The following EEFSEC variants were observed in gnomAD, a reference collection of about 807,000 sequenced individuals.
The protein encoded by EEFSEC is eukaryotic elongation factor, selenocysteine-tRNA specific.
EEFSEC carries 43 observed loss-of-function variants against 42.1 expected under a neutral mutation model. The ratio of observed to expected loss-of-function variants is 1.02; its 90% CI spans 0.80 to 1.32. EEFSEC has a LOEUF of 1.32. Among genes scored for constraint, EEFSEC ranks in the 40% most tolerant of loss-of-function variants. The probability of loss-of-function intolerance (pLI) is 0.00; values close to 1 mark genes in which losing one functional copy is unlikely to be tolerated. For synonymous variants in EEFSEC, 354 were observed against 339.1 expected, an observed-to-expected ratio of 1.04 and a Z score of -0.48; for missense variants, 745 against 803.6, an observed-to-expected ratio of 0.93 and a Z score of 0.88.
chr3:128,193,924 T>G (rs553113872), intron 1 of EEFSEC, among the ~76,000 whole-genome samples: 27 of 152,352 alleles, frequency 1.8e-4, no homozygotes, highest in Non-Finnish European at 3.8e-4. Flanking sequence ...TAAGTGAGAA[T>G]GAGCCATGAA....
intron 1 of EEFSEC, among the ~76,000 whole-genome samples, chr3:128,202,394 T>A (rs1015260348): frequency 6.6e-6 from 1 of 152,222 alleles, no homozygotes; most frequent in East Asian, 1.9e-4. Flanking sequence ...TGTTGTTAAA[T>A]TTATTTCTAA....
At chr3:128,341,104 C>G in intron 4 of EEFSEC, 129 bp from the exon 5 acceptor site, 2 of 1,145,714 alleles carry the variant, frequency 1.7e-6, no homozygotes, top group Non-Finnish European at 2.4e-6. Context: ...CCCCAGACCC[C>G]CCTTGGCTGG....
At chr3:128,320,260 A>T (rs1013150557) in intron 4 of EEFSEC, among the ~76,000 whole-genome samples, 1 of 152,218 alleles carries the variant, frequency 6.6e-6, no homozygotes, top group Non-Finnish European at 1.5e-5. Context: ...TCTTTTCTTG[A>T]TGCCAGTGCA....
At chr3:128,335,354 G>A (rs1017536784) in intron 4 of EEFSEC, among the ~76,000 whole-genome samples, 1 of 152,192 alleles carries the variant, frequency 6.6e-6, no homozygotes, top group African/African-American at 2.4e-5. Flanking sequence ...GCCAATGCCT[G>A]TCTCTTGCTG....
intron 6 of EEFSEC, among the ~76,000 whole-genome samples, chr3:128,398,931 G>C (rs957206096): frequency 2.0e-5 from 3 of 152,114 alleles, no homozygotes; most frequent in African/African-American, 4.8e-5. Context: ...CCTTCAGGAG[G>C]CAGCTGGTCC....
chr3:128,370,478 C>T (rs1373311432), intron 6 of EEFSEC, among the ~76,000 whole-genome samples: 1 of 152,154 alleles, frequency 6.6e-6, no homozygotes, highest in Non-Finnish European at 1.5e-5. Context: ...ACAGTAAAGG[C>T]CCCGGTCTGG....
At chr3:128,257,230 C>T (rs1335480428) in intron 2 of EEFSEC, among the ~76,000 whole-genome samples, 3 of 152,126 alleles carry the variant, frequency 2.0e-5, no homozygotes, top group Non-Finnish European at 4.4e-5. Context: ...TAAGTTTTTG[C>T]GGTTTTCTCA....
intron 1 of EEFSEC, among the ~76,000 whole-genome samples, chr3:128,217,163 C>G (rs1407536146): frequency 1.3e-5 from 2 of 152,146 alleles, no homozygotes; most frequent in African/African-American, 4.8e-5. Flanking sequence ...TTGTGTGTCA[C>G]CATTCTAAGG....
At chr3:128,163,938 G>GAA (rs34767342) in intron 1 of EEFSEC, among the ~76,000 whole-genome samples, 19,493 of 123,910 alleles carry the variant, frequency 0.16, 1,461 homozygotes, top group African/African-American at 0.21. Flanking sequence ...ATTTTTTTGT[G>GAA]AAAAAAAAAA....
rs952982153 is a variant in EEFSEC, at chr3:128,256,892, TGCTACC to T, written c.525-5235_525-5230del. 2.6e-5 allele frequency among the ~76,000 whole-genome samples: 4 copies of T among 152,302 alleles called. 1 individual carries two copies. The highest frequency in any genetic ancestry group is 9.6e-5 in the African/African-American group (4 of 41,580). On this transcript the variant is annotated intron_variant, in intron 2 of 6. Coordinates refer to ENST00000254730, the MANE Select transcript of EEFSEC (RefSeq NM_021937.5). ...TTAAGAAGCTGGGACTACAGGCATG[TGCTACC>T]ACATCTGGCTAATTTTTAACACTTG...
Position 128,257,617 on chromosome 3 carries a change from G to T in EEFSEC, c.525-4511G>T, listed in dbSNP as rs897321525. On this transcript the variant is annotated intron_variant, in intron 2 of 6. Transcript: ENST00000254730. ...TTAACACCAGATTTTAAGGAGATTTGTCTTTATCACACCTTTCCAGAGCAT... is the reference window on the plus strand; with the variant it reads ...TTAACACCAGATTTTAAGGAGATTTTTCTTTATCACACCTTTCCAGAGCAT... Among the ~76,000 whole-genome samples, 3 of 152,172 alleles carry T rather than the reference G, an allele frequency of 2.0e-5. No individual in the cohort carries two copies. In the East Asian group the frequency reaches 5.8e-4, roughly 29 times the overall value.
At chr3:128,322,011 G>A (rs2108039677) in intron 4 of EEFSEC, among the ~76,000 whole-genome samples, 1 of 152,332 alleles carries the variant, frequency 6.6e-6, no homozygotes, top group Admixed American at 6.5e-5. Flanking sequence ...CGTTCACACA[G>A]CAGCACCGCT....
chr3:128,418,272 A>C, the EEFSEC span, among the ~76,000 whole-genome samples: 2 of 151,800 alleles, frequency 1.3e-5, no homozygotes, highest in African/African-American at 4.8e-5. Context: ...TCCTGCTCCA[A>C]ATCTACAGCC....
At chr3:128,287,747 A>G (rs531354905) in intron 4 of EEFSEC, among the ~76,000 whole-genome samples, 2 of 152,362 alleles carry the variant, frequency 1.3e-5, no homozygotes, top group East Asian at 3.9e-4. Flanking sequence ...TAAATTTTTA[A>G]TTGTTAAAAA....
chr3:128,172,522 C>A (rs1409849524), intron 1 of EEFSEC, among the ~76,000 whole-genome samples: 1 of 152,196 alleles, frequency 6.6e-6, no homozygotes, highest in African/African-American at 2.4e-5. Flanking sequence ...TGGTCTCAAA[C>A]TCCTGGGCTC....
At chr3:128,226,852 G>A (rs1409286620) in intron 1 of EEFSEC, among the ~76,000 whole-genome samples, 1 of 152,196 alleles carries the variant, frequency 6.6e-6, no homozygotes, top group Non-Finnish European at 1.5e-5. Flanking sequence ...ACAGAGGGTT[G>A]TGTGGTGCAC....
Position 128,220,521 on chromosome 3 carries a change from C to G in EEFSEC, c.317-26315C>G, listed in dbSNP as rs543017375. Among the ~76,000 whole-genome samples, 30 of 152,286 alleles carry G rather than the reference C, an allele frequency of 2.0e-4. No homozygotes were observed. The South Asian group carries it at 6.0e-3, about 31-fold the overall frequency. On this transcript the variant is annotated intron_variant, in intron 1 of 6. Transcript: ENST00000254730. ...TCAGAGGTGCGGCTGGCCTGCTTCC[C>G]CCCATTCCCTGGTGAAGTATGGCTA...
chr3:128,399,796 T>C (rs2068027743), intron 6 of EEFSEC, among the ~76,000 whole-genome samples: 1 of 151,800 alleles, frequency 6.6e-6, no homozygotes, highest in African/African-American at 2.4e-5. Flanking sequence ...CCTGTCCTCC[T>C]GGGCCTCTCT....
chr3:128,411,899 C>T (rs2068176653), downstream of EEFSEC, among the ~76,000 whole-genome samples: 1 of 152,238 alleles, frequency 6.6e-6, no homozygotes, highest in Non-Finnish European at 1.5e-5. Flanking sequence ...TTTGGTGCAC[C>T]AGGCATCTCC....
Sources: gnomAD v4.1 joint callset for allele counts (sites outside exome capture counted in the v4.1 genomes callset) on GRCh38, gnomAD v4.1.1 for gene constraint, MANE v1.5 for transcripts, NCBI Gene and HGNC (gene_info 2026-07-23, HGNC 2026-07-21) for gene names.